ZNF777: variants seen among roughly 807,000 people sequenced by gnomAD.
The protein encoded by ZNF777 is zinc finger protein 777.
In ZNF777, 7 loss-of-function variants were observed where a neutral mutation model predicts 72.1. The observed-to-expected ratio is 0.10, with a 90% confidence interval of 0.06 to 0.18. The LOEUF (loss-of-function observed/expected upper bound fraction) is 0.18. ZNF777 is among the 10% of genes least tolerant of loss of function. The probability of loss-of-function intolerance (pLI) is 1.00; values close to 1 mark genes in which losing one functional copy is unlikely to be tolerated. For missense variants in ZNF777, 828 were observed against 1,128.6 expected (o/e 0.73, Z 3.82); for synonymous variants, 545 against 483.5 (o/e 1.13, Z -1.67).
chr7:149,448,751 A>T (rs1335436933), intron 4 of ZNF777, among the ~76,000 whole-genome samples: 3 of 151,746 alleles, frequency 2.0e-5, no homozygotes, highest in Non-Finnish European at 4.4e-5. Context: ...CTCTTTGCCA[A>T]CTTGCTAGGT....
At chr7:149,457,867 G>C (rs1230951608) in intron 1 of ZNF777, among the ~76,000 whole-genome samples, 1 of 152,172 alleles carries the variant, frequency 6.6e-6, no homozygotes, top group Non-Finnish European at 1.5e-5. Flanking sequence ...TCCATACTTA[G>C]TACAGGAAGA....
chr7:149,450,255 G>A (rs1038942959), intron 4 of ZNF777, among the ~76,000 whole-genome samples: 3 of 152,240 alleles, frequency 2.0e-5, no homozygotes, highest in Admixed American at 2.0e-4. Flanking sequence ...TGCAGTGTGA[G>A]TGTGTGAGCC....
At chr7:149,452,589 T>C (rs1585701887) in intron 3 of ZNF777, among the ~76,000 whole-genome samples, 1 of 142,378 alleles carries the variant, frequency 7.0e-6, no homozygotes, top group Admixed American at 7.2e-5. Flanking sequence ...GCCCAGATCG[T>C]GCCACTGCAC....
At chr7:149,442,136 G>T (rs1799529190) in intron 4 of ZNF777, among the ~76,000 whole-genome samples, 1 of 149,650 alleles carries the variant, frequency 6.7e-6, no homozygotes, top group Admixed American at 6.7e-5. Flanking sequence ...AGAATCGCTT[G>T]AACCCGGGAG....
intron 1 of ZNF777, among the ~76,000 whole-genome samples, chr7:149,459,249 C>T (rs1799893878): frequency 6.6e-6 from 1 of 152,202 alleles, no homozygotes; most frequent in African/African-American, 2.4e-5. Context: ...TGCAGTAATC[C>T]TCTCACTAGC....
At chr7:149,454,020 G>C (rs900411292) in intron 3 of ZNF777, 91 bp downstream of exon 3, 2 of 1,545,986 alleles carry the variant, frequency 1.3e-6, no homozygotes, top group African/African-American at 2.7e-5. Context: ...TGCAACTATT[G>C]GCTCTGCTGG....
At chr7:149,451,720 C>G (rs1799720768) in intron 3 of ZNF777, among the ~76,000 whole-genome samples, 1 of 151,858 alleles carries the variant, frequency 6.6e-6, no homozygotes, top group Non-Finnish European at 1.5e-5. Context: ...AAAACTAATC[C>G]TGATAAAAAT....
intron 2 of ZNF777, among the ~76,000 whole-genome samples, chr7:149,454,666 C>T (rs1419075111): frequency 6.6e-6 from 1 of 152,228 alleles, no homozygotes; most frequent in Non-Finnish European, 1.5e-5. Flanking sequence ...AGCCAGTCCA[C>T]ACTCAAGCTC....
At position 149,454,111 on chromosome 7, in the gene ZNF777, C is replaced by T; in HGVS notation, c.973G>A (p.Asp325Asn). The T allele has an allele frequency of 6.2e-7, 1 of 1,614,192 alleles. No individual in the cohort carries two copies. Among genetic ancestry groups the T allele is most frequent in the Non-Finnish European group, 8.5e-7 (1 of 1,180,026 alleles). Reference sequence around the variant, plus strand: ...CCAGCGAGCGAAGGCTTCTCCTTACCCATGGAAACCAGGGACTCGTAGTTG... The same window carrying T: ...CCAGCGAGCGAAGGCTTCTCCTTACTCATGGAAACCAGGGACTCGTAGTTG... ...RGNYESLVSM[D>N]YAISKPDLMS... Residue 325 changes from aspartate (D) to asparagine (N), a missense_variant and splice_region_variant, in exon 3 of 6, where the codon GAC becomes AAC. This residue lies in a region of ZNF777 where 73 missense variants were observed against 90.6 expected (regional missense o/e 0.81). Transcript: ENST00000247930.
At chr7:149,457,721 A>G (rs995878594) in intron 1 of ZNF777, among the ~76,000 whole-genome samples, 9 of 152,256 alleles carry the variant, frequency 5.9e-5, no homozygotes, top group Admixed American at 4.6e-4. Context: ...CGAACCAGAC[A>G]TGAGCGCTAA....
Position 149,455,678 on chromosome 7 carries a change from G to C in ZNF777, c.345C>G (p.Val115=). ...YPPPAAAEQE[V]SLLSHSPHHQ... ...GGTGGGGGGAGTGGGAGAGAAGGGA[G>C]ACTTCTTGTTCAGCAGCAGCTGGGG... The change falls in exon 2 of 6, where the codon GTC becomes GTG. Residue 115 remains valine (V), a synonymous_variant. Transcript: ENST00000247930. The surrounding 1 kb of genome is among the most constrained non-coding windows in gnomAD (Gnocchi z 4.2). 1 of 1,567,192 alleles carries C rather than the reference G, an allele frequency of 6.4e-7. No individual in the cohort carries two copies. Among genetic ancestry groups the C allele is most frequent in the Non-Finnish European group, 8.6e-7 (1 of 1,156,962 alleles).
chr7:149,447,016 C>A (rs558934200), intron 4 of ZNF777, among the ~76,000 whole-genome samples: 61 of 152,192 alleles, frequency 4.0e-4, no homozygotes, highest in Non-Finnish European at 6.9e-4. Flanking sequence ...TATCCTAATT[C>A]TCCTGCTACC....
intron 4 of ZNF777, among the ~76,000 whole-genome samples, chr7:149,450,212 CT>C (rs1477374071): frequency 2.0e-5 from 3 of 152,184 alleles, no homozygotes; most frequent in Non-Finnish European, 2.9e-5. Context: ...AAAGCAGGGG[CT>C]TCAGAGAGCA....
chr7:149,443,565 A>G (rs2116584541), intron 4 of ZNF777, among the ~76,000 whole-genome samples: 1 of 152,328 alleles, frequency 6.6e-6, no homozygotes, highest in East Asian at 1.9e-4. Context: ...GGTTTTTTTA[A>G]TTAAAAAAAA....
chr7:149,436,556 G>T lies in ZNF777; in HGVS notation c.1339+19C>A. 6.4e-7 allele frequency: 1 copy of T among 1,574,162 alleles called. No individual in the cohort carries two copies. On this transcript the variant is annotated intron_variant, in intron 5 of 5. Coordinates refer to ENST00000247930, the MANE Select transcript of ZNF777 (RefSeq NM_015694.3). This position sits in a 1 kb window ranked among gnomAD's most constrained non-coding sequence, Gnocchi z 5.0. Reference sequence around the variant, plus strand: ...GCCTCATGGCAACCCTTCCCCGGCCGTCCCCGCCCAGCACTCACCCGTGCA... The same window carrying T: ...GCCTCATGGCAACCCTTCCCCGGCCTTCCCCGCCCAGCACTCACCCGTGCA...
chr7:149,442,404 G>A (rs2116582534), intron 4 of ZNF777, among the ~76,000 whole-genome samples: 1 of 151,378 alleles, frequency 6.6e-6, no homozygotes, highest in East Asian at 2.0e-4. Flanking sequence ...GATCACCAGA[G>A]GTCAGGAGTT....
rs1394807993 is a variant in ZNF777 at position 149,460,472 on chromosome 7, T to C, written c.-16+343A>G. On this transcript the variant is annotated intron_variant, in intron 1 of 5. Coordinates refer to ENST00000247930, the MANE Select transcript of ZNF777 (RefSeq NM_015694.3). This position sits in a 1 kb window ranked among gnomAD's most constrained non-coding sequence, Gnocchi z 6.1. ...CGGCCCCCGGCCCGCGCGCCGCCCC[T>C]CTGCGGCCGCGGCTGGGACCCCAGC... Among the ~76,000 whole-genome samples the C allele has an allele frequency of 6.7e-6, 1 of 148,176 alleles. No individual in the cohort carries two copies. Among genetic ancestry groups the C allele is most frequent in the Admixed American group, 6.7e-5 (1 of 14,926 alleles).
intron 4 of ZNF777, among the ~76,000 whole-genome samples, chr7:149,445,060 T>C (rs2116586989): frequency 6.6e-6 from 1 of 152,298 alleles, no homozygotes; most frequent in East Asian, 1.9e-4. Flanking sequence ...CATCCTTTAT[T>C]TTTATTTTTT....
At position 149,455,378 on chromosome 7, in the gene ZNF777, T is replaced by C. The variant is rs1799804205; in HGVS notation, c.645A>G (p.Thr215=). ...RLLTLEGRTG[T]NEKKIADCEK... ...CGCAGTCGGCTATCTTCTTTTCATT[T>C]GTCCCCGTCCTGCCTTCCAGGGTCA... is the stretch of plus-strand genomic sequence containing the variant. The change falls in exon 2 of 6, where the codon ACA becomes ACG. Residue 215 remains threonine, a synonymous_variant. Coordinates refer to ENST00000247930, the MANE Select transcript of ZNF777 (RefSeq NM_015694.3). This position sits in a 1 kb window ranked among gnomAD's most constrained non-coding sequence, Gnocchi z 4.2. 9 of 1,614,244 alleles carry C rather than the reference T, an allele frequency of 5.6e-6. No individual in the cohort carries two copies. In the East Asian group the frequency reaches 2.0e-4, roughly 36 times the overall value.
Sources: gnomAD v4.1 joint callset for allele counts (sites outside exome capture counted in the v4.1 genomes callset) on GRCh38, gnomAD v4.1.1 for gene constraint, gnomAD v4.1.1 regional missense constraint, Gnocchi (gnomAD v3.1) non-coding constraint, MANE v1.5 for transcripts, NCBI Gene and HGNC (gene_info 2026-07-23, HGNC 2026-07-21) for gene names.